Variants in NTM observed in about 807,000 individuals in gnomAD.
The protein encoded by NTM is neurotrimin, also known as IgLON family member 2.
NTM carries 13 observed loss-of-function variants against 42.1 expected under a neutral mutation model. That is an observed-to-expected ratio of 0.31 (90% CI 0.20 to 0.49). The LOEUF (loss-of-function observed/expected upper bound fraction) is 0.49. NTM is among the 20% of genes least tolerant of loss of function. The pLI is 0.99. For synonymous variants in NTM, 187 were observed against 179.2 expected (o/e 1.04, Z -0.35); for missense variants, 373 against 452.8 (o/e 0.82, Z 1.60).
intron 1 of NTM, among the ~76,000 whole-genome samples, chr11:131,555,453 C>A (rs2055282386): frequency 6.6e-6 from 1 of 152,150 alleles, no homozygotes; most frequent in African/African-American, 2.4e-5. Context: ...GTTTCCGGGT[C>A]TCTTCTTGGT....
intron 4 of NTM, among the ~76,000 whole-genome samples, chr11:132,225,808 C>T (rs1025086329): frequency 3.9e-5 from 6 of 152,014 alleles, no homozygotes; most frequent in Non-Finnish European, 7.4e-5. Context: ...GTTTGCTGAA[C>T]CCATCAACCC....
At chr11:131,857,548 C>T (rs1472605271) in intron 1 of NTM, among the ~76,000 whole-genome samples, 5 of 152,184 alleles carry the variant, frequency 3.3e-5, no homozygotes, top group African/African-American at 1.2e-4. Context: ...TGCTAGTTCT[C>T]TTTGCGTGTT....
intron 1 of NTM, among the ~76,000 whole-genome samples, chr11:131,522,538 C>G (rs1478850842): frequency 6.6e-6 from 1 of 152,140 alleles, no homozygotes; most frequent in Non-Finnish European, 1.5e-5. Flanking sequence ...GAGACATCTA[C>G]CTTGGAAAAG....
chr11:132,054,658 A>G (rs1566040010), intron 2 of NTM, among the ~76,000 whole-genome samples: 2 of 152,206 alleles, frequency 1.3e-5, no homozygotes, highest in East Asian at 3.8e-4. Context: ...TAAATATAGA[A>G]TACAGTCAAT....
intron 2 of NTM, among the ~76,000 whole-genome samples, chr11:131,952,126 C>T (rs1301749844): frequency 6.6e-6 from 1 of 152,028 alleles, no homozygotes; most frequent in Non-Finnish European, 1.5e-5. Flanking sequence ...TCCTGGATAC[C>T]CCTCAAGGAC....
At chr11:131,605,871 G>A (rs568475943) in intron 1 of NTM, 4 of 983,732 alleles carry the variant, frequency 4.1e-6, no homozygotes, top group South Asian at 4.7e-5. Context: ...ACCTGAGGCA[G>A]CTTCACCACC....
intron 1 of NTM, among the ~76,000 whole-genome samples, chr11:131,900,132 T>C (rs1367348617): frequency 6.6e-6 from 1 of 152,216 alleles, no homozygotes; most frequent in Non-Finnish European, 1.5e-5. Context: ...GAGGCCTTCA[T>C]GAGCCAGTCA....
intron 4 of NTM, among the ~76,000 whole-genome samples, chr11:132,238,523 T>TAGACAGAAGACAGA (rs60760134): frequency 0.61 from 92,600 of 151,200 alleles, 28,556 homozygotes; most frequent in Middle Eastern, 0.75. Context: ...CAACCCACAA[T>TAGACAGAAGACAGA]AGACAGAAGA....
chr11:131,455,755 G>A (rs1258570971), intron 1 of NTM, among the ~76,000 whole-genome samples: 1 of 152,198 alleles, frequency 6.6e-6, no homozygotes. Flanking sequence ...GGGAGTGGTG[G>A]AGGCCTTGCA....
intron 1 of NTM, among the ~76,000 whole-genome samples, chr11:131,585,545 C>T (rs80241884): frequency 0.014 from 2,165 of 152,318 alleles, 58 homozygotes; most frequent in African/African-American, 0.049. Context: ...GACCACCTAG[C>T]AAGCACAGTT....
chr11:132,098,063 T>C (rs1357991677), intron 2 of NTM, among the ~76,000 whole-genome samples: 1 of 152,248 alleles, frequency 6.6e-6, no homozygotes, highest in Non-Finnish European at 1.5e-5. Flanking sequence ...CTGCTAGAAA[T>C]AAATCTGTCA....
At chr11:131,533,382 G>A (rs756372033) in intron 1 of NTM, among the ~76,000 whole-genome samples, 4 of 152,190 alleles carry the variant, frequency 2.6e-5, no homozygotes, top group Non-Finnish European at 5.9e-5. Context: ...GATGCTGCGC[G>A]GCCTTGATAA....
At chr11:132,224,351 T>C (rs1485148149) in intron 4 of NTM, among the ~76,000 whole-genome samples, 2 of 151,700 alleles carry the variant, frequency 1.3e-5, no homozygotes, top group Non-Finnish European at 2.9e-5. Context: ...GAGAGCCCAG[T>C]GGATGGGTGT....
At chr11:132,203,877 C>T (rs574517256) in intron 3 of NTM, among the ~76,000 whole-genome samples, 7 of 151,666 alleles carry the variant, frequency 4.6e-5, no homozygotes, top group Non-Finnish European at 1.0e-4. Context: ...CCAGCCTGAG[C>T]AATAGAATGA....
intron 2 of NTM, among the ~76,000 whole-genome samples, chr11:132,029,445 G>T (rs1000378403): frequency 6.7e-6 from 1 of 150,252 alleles, no homozygotes; most frequent in Non-Finnish European, 1.5e-5. Flanking sequence ...GCGGTGTTTG[G>T]TTTTTTGTCC....
At chr11:132,019,794 T>C in intron 2 of NTM, among the ~76,000 whole-genome samples, 1 of 152,082 alleles carries the variant, frequency 6.6e-6, no homozygotes, top group East Asian at 1.9e-4. Context: ...GATCTTACTT[T>C]TTTTATCCAA....
chr11:131,643,699 T>C (rs2065420364), intron 1 of NTM, among the ~76,000 whole-genome samples: 1 of 152,228 alleles, frequency 6.6e-6, no homozygotes, highest in African/African-American at 2.4e-5. Context: ...ATTGACTTCC[T>C]ACTATGTGCT....
Position 131,819,353 on chromosome 11 carries a change from C to T in NTM, c.83-92211C>T, listed in dbSNP as rs114658938. ...GTTTGGGGTCAGGTCTGGACATCTA[C>T]ATTTTTAAAAGATGCCCTAGATGAT... On this transcript the variant is annotated intron_variant, in intron 1 of 8. Transcript: ENST00000683400. Among the ~76,000 whole-genome samples, 1,422 of 152,280 alleles carry T rather than the reference C, an allele frequency of 9.3e-3. 18 individuals carry two copies. Among genetic ancestry groups the T allele is most frequent in the African/African-American group, 0.033 (1,354 of 41,560 alleles).
At chr11:131,585,553 G>A (rs1001106548) in intron 1 of NTM, among the ~76,000 whole-genome samples, 1 of 152,234 alleles carries the variant, frequency 6.6e-6, no homozygotes, top group Admixed American at 6.5e-5. Flanking sequence ...AGCAAGCACA[G>A]TTGTGAGTGC....
Sources: allele counts gnomAD v4.1 joint callset (sites outside exome capture counted in the v4.1 genomes callset), GRCh38; gene constraint gnomAD v4.1.1; transcripts MANE v1.5; gene names NCBI Gene and HGNC (gene_info 2026-07-23, HGNC 2026-07-21).